The following HCN1 variants were observed in gnomAD, a reference collection of about 807,000 sequenced individuals.
The protein encoded by HCN1 is potassium/sodium hyperpolarization-activated cyclic nucleotide-gated channel 1.
In HCN1, 13 loss-of-function variants were observed where a neutral mutation model predicts 78.9. That is an observed-to-expected ratio of 0.16 (90% CI 0.11 to 0.26). The LOEUF is 0.26. Among genes scored for constraint, HCN1 ranks in the 10% least tolerant of loss-of-function variants. The probability of loss-of-function intolerance (pLI) is 1.00; values close to 1 mark genes in which losing one functional copy is unlikely to be tolerated. For missense variants in HCN1, 810 were observed against 1,154.3 expected (o/e 0.70, Z 4.32); for synonymous variants, 552 against 455.5 (o/e 1.21, Z -2.70).
intron 6 of HCN1, among the ~76,000 whole-genome samples, chr5:45,273,846 A>G (rs1239299825): frequency 2.0e-5 from 3 of 152,124 alleles, no homozygotes; most frequent in Non-Finnish European, 4.4e-5. Flanking sequence ...TTAGTGAACT[A>G]GTAAAACACT....
chr5:45,504,504 G>A (rs969224662), intron 2 of HCN1, among the ~76,000 whole-genome samples: 1 of 152,120 alleles, frequency 6.6e-6, no homozygotes, highest in African/African-American at 2.4e-5. Flanking sequence ...TATTGTTGAT[G>A]GACATTTGGG....
intron 1 of HCN1, among the ~76,000 whole-genome samples, chr5:45,681,058 C>T (rs1417544664): frequency 6.6e-6 from 1 of 152,028 alleles, no homozygotes; most frequent in Non-Finnish European, 1.5e-5. Context: ...TGGGATCACA[C>T]ATTTCTCCTC....
rs748665278 is a variant in HCN1, at chr5:45,695,812, C to T, written c.282G>A (p.Met94Ile). The change falls in exon 1 of 8, where the codon ATG becomes ATA. Residue 94 changes from methionine (M) to isoleucine (I), a missense_variant. Around this residue, in one of 6 missense-constraint regions of HCN1, gnomAD observed 170 missense variants for 166.8 expected, o/e 1.02. Coordinates refer to ENST00000303230, the MANE Select transcript of HCN1 (RefSeq NM_021072.4). ...AEGPRRQYGF[M>I]QRQFTSMLQP... ...GCAGCATGGAGGTGAACTGCCTCTG[C>T]ATGAAGCCGTACTGCCGCCGGGGCC... The T allele has an allele frequency of 5.0e-6, 8 of 1,609,688 alleles. No individual in the cohort carries two copies. Among genetic ancestry groups the T allele is most frequent in the Non-Finnish European group, 6.8e-6 (8 of 1,179,432 alleles).
intron 2 of HCN1, among the ~76,000 whole-genome samples, chr5:45,531,643 T>G (rs1742852915): frequency 6.6e-6 from 1 of 152,210 alleles, no homozygotes; most frequent in South Asian, 2.1e-4. Context: ...ACCTCAAGCA[T>G]ACAATTCTCT....
In HCN1 at chr5:45,332,718, C is replaced by G. The variant is rs555535432; in HGVS notation, c.1377+20382G>C. On this transcript the variant is annotated intron_variant, in intron 5 of 7. Coordinates refer to ENST00000303230, the MANE Select transcript of HCN1 (RefSeq NM_021072.4). ...CAATTGTTTTCATTTTTAGATTCCA[C>G]AAAAAAGTGAGAATATGTGAGGTTT... 2.0e-5 allele frequency among the ~76,000 whole-genome samples: 3 copies of G among 151,732 alleles called. No individual in the cohort carries two copies. In the East Asian group the frequency reaches 5.8e-4, roughly 29 times the overall value.
At chr5:45,555,111 T>A (rs1743444830) in intron 2 of HCN1, among the ~76,000 whole-genome samples, 3 of 152,014 alleles carry the variant, frequency 2.0e-5, no homozygotes, top group Admixed American at 2.0e-4. Context: ...AAATTATTCT[T>A]ATTTGTAGAT....
At chr5:45,561,608 A>T (rs1198905266) in intron 2 of HCN1, among the ~76,000 whole-genome samples, 1 of 152,054 alleles carries the variant, frequency 6.6e-6, no homozygotes, top group Non-Finnish European at 1.5e-5. Context: ...GAAAAAAAAA[A>T]AACCCAGGTA....
At chr5:45,534,233 C>CA (rs1352355116) in intron 2 of HCN1, among the ~76,000 whole-genome samples, 1 of 150,308 alleles carries the variant, frequency 6.7e-6, no homozygotes, top group Non-Finnish European at 1.5e-5. Flanking sequence ...CCCGTCTCTA[C>CA]AAAAAATACA....
chr5:45,505,610 G>T (rs891043220), intron 2 of HCN1, among the ~76,000 whole-genome samples: 18 of 151,894 alleles, frequency 1.2e-4, no homozygotes, highest in Admixed American at 3.9e-4. Flanking sequence ...GCTGGAGAAG[G>T]GTAAATTATA....
In HCN1 at chr5:45,506,992, T is replaced by C. The variant is rs1307336466; in HGVS notation, c.850-44985A>G. ...AGCAACAGTAAAGAGATATATTGTA[T>C]ACTGTTAATAATAAGAATTCACAGG... is the stretch of plus-strand genomic sequence containing the variant. On this transcript the variant is annotated intron_variant, in intron 2 of 7. Coordinates refer to ENST00000303230, the MANE Select transcript of HCN1 (RefSeq NM_021072.4). 1.6e-4 allele frequency among the ~76,000 whole-genome samples: 25 copies of C among 152,258 alleles called. No individual in the cohort carries two copies. In the East Asian group the frequency reaches 4.8e-3, roughly 29 times the overall value.
intron 6 of HCN1, among the ~76,000 whole-genome samples, chr5:45,287,770 C>T (rs186813311): frequency 1.3e-5 from 2 of 151,998 alleles, no homozygotes; most frequent in South Asian, 2.1e-4. Flanking sequence ...AACACATAGT[C>T]AGGAGAAATA....
chr5:45,325,543 A>G (rs895270285), intron 5 of HCN1, among the ~76,000 whole-genome samples: 2 of 151,750 alleles, frequency 1.3e-5, no homozygotes, highest in Non-Finnish European at 2.9e-5. Context: ...AATTACACAT[A>G]CATTCCATTA....
chr5:45,607,033 G>T (rs562087315), intron 2 of HCN1, among the ~76,000 whole-genome samples: 4 of 151,764 alleles, frequency 2.6e-5, no homozygotes, highest in Non-Finnish European at 5.9e-5. Flanking sequence ...AAAAAAATAT[G>T]ATTAGGAGTA....
In HCN1 at chr5:45,483,298, C is replaced by T. The variant is rs527839735; in HGVS notation, c.850-21291G>A. 9.2e-5 allele frequency among the ~76,000 whole-genome samples: 14 copies of T among 152,186 alleles called. No individual in the cohort carries two copies. The South Asian group carries it at 2.9e-3, about 32-fold the overall frequency. On this transcript the variant is annotated intron_variant, in intron 2 of 7. Transcript: ENST00000303230. ...TGTTTTCTGACTTTCTAATAATAGC[C>T]ATTCTGACTGGTGTGATATCTCACA...
chr5:45,508,775 G>T (rs1445245270), intron 2 of HCN1, among the ~76,000 whole-genome samples: 2 of 152,086 alleles, frequency 1.3e-5, no homozygotes, highest in Non-Finnish European at 2.9e-5. Context: ...TGAAACAGAT[G>T]ATGCAAGTAG....
intron 2 of HCN1, among the ~76,000 whole-genome samples, chr5:45,632,116 T>C (rs962896856): frequency 1.2e-4 from 19 of 152,056 alleles, no homozygotes; most frequent in African/African-American, 4.6e-4. Context: ...ATGAATGATA[T>C]AGCAATTAAT....
chr5:45,636,668 C>T (rs540253789), intron 2 of HCN1, among the ~76,000 whole-genome samples: 1 of 152,080 alleles, frequency 6.6e-6, no homozygotes, highest in East Asian at 1.9e-4. Flanking sequence ...GACAATATAG[C>T]AAGACCCTGT....
intron 2 of HCN1, among the ~76,000 whole-genome samples, chr5:45,596,010 C>T (rs1744486989): frequency 6.6e-6 from 1 of 152,060 alleles, no homozygotes; most frequent in South Asian, 2.1e-4. Flanking sequence ...CCGCCCCCGC[C>T]TCAGCCTCCC....
intron 4 of HCN1, among the ~76,000 whole-genome samples, chr5:45,374,243 T>TG (rs1491398781): frequency 6.7e-5 from 8 of 119,984 alleles, no homozygotes; most frequent in Middle Eastern, 4.5e-3. Flanking sequence ...AACATATATA[T>TG]TATGTACATT....
Sources: gnomAD v4.1 joint callset for allele counts (sites outside exome capture counted in the v4.1 genomes callset) on GRCh38, gnomAD v4.1.1 for gene constraint, gnomAD v4.1.1 regional missense constraint, MANE v1.5 for transcripts, NCBI Gene and HGNC (gene_info 2026-07-23, HGNC 2026-07-21) for gene names.